Variants in MAP3K19 observed in about 807,000 individuals in gnomAD.
The protein encoded by MAP3K19 is mitogen-activated protein kinase kinase kinase 19.
A neutral mutation model predicts 114.4 loss-of-function variants in MAP3K19; 91 were observed. That is an observed-to-expected ratio of 0.80 (90% CI 0.67 to 0.95). The LOEUF (loss-of-function observed/expected upper bound fraction) is 0.95. MAP3K19 is among the 40% of genes least tolerant of loss of function. The pLI, the probability that MAP3K19 is intolerant of heterozygous loss-of-function variation, is 0.00. For missense variants in MAP3K19, 1,471 were observed against 1,573.2 expected (o/e 0.94, Z 1.10); for synonymous variants, 518 against 530.5 (o/e 0.98, Z 0.32).
intron 9 of MAP3K19, among the ~76,000 whole-genome samples, chr2:134,990,468 T>G (rs1419171800): frequency 1.3e-5 from 2 of 151,526 alleles, no homozygotes; most frequent in South Asian, 4.2e-4. Flanking sequence ...TTGTTTTTTT[T>G]TTTTGTTTGT....
intron 10 of MAP3K19, 59 bp downstream of exon 10, chr2:134,985,741 C>A: frequency 7.1e-7 from 1 of 1,415,574 alleles, no homozygotes; most frequent in Non-Finnish European, 9.6e-7. Flanking sequence ...GGGGTTTGAA[C>A]CAGATTGTCT....
intron 10 of MAP3K19, among the ~76,000 whole-genome samples, chr2:134,984,406 C>T (rs891977017): frequency 9.9e-5 from 15 of 151,972 alleles, no homozygotes; most frequent in African/African-American, 3.4e-4. Flanking sequence ...TATATACATA[C>T]ACATATGTAC....
intron 6 of MAP3K19, among the ~76,000 whole-genome samples, chr2:135,003,180 T>C (rs567261548): frequency 6.6e-6 from 1 of 152,292 alleles, no homozygotes; most frequent in South Asian, 2.1e-4. Flanking sequence ...TGCTAGAATC[T>C]TGATCTTGGA....
intron 12 of MAP3K19, among the ~76,000 whole-genome samples, chr2:134,969,306 A>G (rs983654787): frequency 6.6e-6 from 1 of 152,186 alleles, no homozygotes; most frequent in African/African-American, 2.4e-5. Context: ...GCAGCAGTAC[A>G]GTCCAGCTTC....
At chr2:134,972,005 T>C (rs1683914153) in intron 12 of MAP3K19, among the ~76,000 whole-genome samples, 1 of 152,136 alleles carries the variant, frequency 6.6e-6, no homozygotes, top group Admixed American at 6.5e-5. Flanking sequence ...GTACATGAGA[T>C]GTTTTGATAC....
At chr2:134,984,915 G>A (rs1003380182) in intron 10 of MAP3K19, among the ~76,000 whole-genome samples, 21 of 152,184 alleles carry the variant, frequency 1.4e-4, no homozygotes, top group Non-Finnish European at 2.9e-4. Flanking sequence ...TCGCAGCACT[G>A]CGCTCCAGCC....
At position 135,021,809 on chromosome 2, in the gene MAP3K19, AG is replaced by A; in HGVS notation, c.43del (p.Asp16ThrfsTer13). The A allele has an allele frequency of 6.2e-7, 1 of 1,607,394 alleles. No homozygotes were observed. The highest frequency in any genetic ancestry group is 8.5e-7 in the Non-Finnish European group (1 of 1,176,596). On this transcript the variant is annotated frameshift_variant, in exon 5 of 13. Coordinates refer to ENST00000392915, the MANE Select transcript of MAP3K19 (RefSeq NM_025052.5). LOFTEE classifies it high-confidence loss of function. ...PKPERHAESL[L>X]DICHDTNSSP... ...AGAGTTTGTATCATGACAAATGTCA[AG>A]CAATGACTCAGCATGTCTTTCTATC...
In MAP3K19 at chr2:135,025,377, CTTTTTTTTTT is replaced by C. The variant is rs754598942; in HGVS notation, c.-94-646_-94-637del. Among the ~76,000 whole-genome samples, 97 of 69,560 alleles carry C rather than the reference CTTTTTTTTTT, an allele frequency of 1.4e-3. 1 individual carries two copies. The highest frequency in any genetic ancestry group is 5.7e-3 in the African/African-American group (91 of 15,946). The allele number at this position is 69,560 out of a possible 152,430, so 45.6% of individuals were successfully genotyped here. On this transcript the variant is annotated intron_variant, in intron 3 of 12. Transcript: ENST00000392915. ...GCCTCTCCACATGGCCTTTTCTTTT[CTTTTTTTTTT>C]TTTTTTTTTTTTTTTTGAGGCGGAG...
intron 1 of MAP3K19, among the ~76,000 whole-genome samples, chr2:135,042,501 CAAAA>C (rs1168430275): frequency 1.7e-5 from 1 of 58,768 alleles, no homozygotes. Flanking sequence ...GACTCTGTCT[CAAAA>C]AAAAAAAAAA....
At chr2:135,033,523 C>T (rs1440329809) in intron 2 of MAP3K19, among the ~76,000 whole-genome samples, 1 of 100,050 alleles carries the variant, frequency 1.0e-5, no homozygotes, top group Non-Finnish European at 1.8e-5. Context: ...GTAGGGGCAG[C>T]CGGGCAGAGG....
chr2:134,966,638 TGAG>T (rs1683373614), intron 12 of MAP3K19, among the ~76,000 whole-genome samples: 1 of 152,208 alleles, frequency 6.6e-6, no homozygotes, highest in African/African-American at 2.4e-5. Context: ...CTTTGGCTAA[TGAG>T]GAGCTCTGTG....
chr2:134,998,986 G>C lies in MAP3K19; in HGVS notation c.326C>G (p.Ser109Ter), dbSNP rs1270791044. 1.2e-6 allele frequency: 2 copies of C among 1,611,954 alleles called. No individual in the cohort carries two copies. The highest frequency in any genetic ancestry group is 1.7e-6 in the Non-Finnish European group (2 of 1,179,544). The change falls in exon 8 of 13, where the codon TCA (serine) becomes TGA (stop). Residue 109 changes from serine to a stop codon, truncating the protein, a stop_gained. Transcript: ENST00000392915. LOFTEE classifies it high-confidence loss of function. ...TGCTTGTGCCCATTCTTGAAGCGAT[G>C]AGTTTATCAGACTAAAGGGGGAGGG... ...EDLKEKNLINSSLQEWAQAHA... is the reference protein window; with the variant it reads ...EDLKEKNLIN
chr2:135,025,377 C>CTTTTTTTTTT (rs754598942), intron 3 of MAP3K19, among the ~76,000 whole-genome samples: 10 of 69,532 alleles, frequency 1.4e-4, no homozygotes, highest in Non-Finnish European at 2.2e-4. Context: ...CTTTTCTTTT[C>CTTTTTTTTTT]TTTTTTTTTT....
chr2:135,024,717 A>T lies in MAP3K19; in HGVS notation c.-70T>A. On this transcript the variant is annotated 5_prime_UTR_variant, in exon 4 of 13. Transcript: ENST00000392915. ...ACACATAATGTATTGCTGATTTTCC[A>T]CTAAAATCACAAAGTTTAGGATCTC... is the stretch of plus-strand genomic sequence containing the variant. 3 of 1,335,326 alleles carry T rather than the reference A, an allele frequency of 2.2e-6. No individual in the cohort carries two copies. The highest frequency in any genetic ancestry group is 2.1e-6 in the Non-Finnish European group (2 of 933,698). The allele number at this position is 1,335,326 out of a possible 1,614,324, so 82.7% of individuals were successfully genotyped here. A position where few individuals can be genotyped will look rare whatever the true frequency, so the allele number is the denominator to read the frequency against.
At chr2:135,036,161 C>A (rs1232530373) in intron 2 of MAP3K19, among the ~76,000 whole-genome samples, 1 of 152,100 alleles carries the variant, frequency 6.6e-6, no homozygotes, top group Non-Finnish European at 1.5e-5. Context: ...CTAACCAAGG[C>A]CTTTGTCTTT....
intron 1 of MAP3K19, among the ~76,000 whole-genome samples, chr2:135,046,468 G>T (rs559479372): frequency 1.2e-4 from 19 of 152,090 alleles, no homozygotes; most frequent in Admixed American, 6.6e-5. Context: ...TAGAGACAGG[G>T]TTTCACCATG....
chr2:135,018,522 G>A (rs2105359107), intron 5 of MAP3K19, among the ~76,000 whole-genome samples: 1 of 152,186 alleles, frequency 6.6e-6, no homozygotes. Context: ...AGTTCTTGTA[G>A]AGACAGCTCT....
chr2:135,002,272 A>G (rs1302074132), intron 6 of MAP3K19, among the ~76,000 whole-genome samples: 1 of 152,244 alleles, frequency 6.6e-6, no homozygotes, highest in African/African-American at 2.4e-5. Context: ...ATTCATAACC[A>G]GTCAGAAAAA....
chr2:134,978,121 G>A (rs904405877), intron 12 of MAP3K19, among the ~76,000 whole-genome samples: 17 of 151,770 alleles, frequency 1.1e-4, no homozygotes, highest in Non-Finnish European at 4.4e-5. Flanking sequence ...CTTCCATTGT[G>A]AGCATTTTCA....
Sources: gnomAD v4.1 joint callset for allele counts (sites outside exome capture counted in the v4.1 genomes callset) on GRCh38, gnomAD v4.1.1 for gene constraint, MANE v1.5 for transcripts, NCBI Gene and HGNC (gene_info 2026-07-23, HGNC 2026-07-21) for gene names.